The following RAB11FIP4 variants were observed in gnomAD, a reference collection of about 807,000 sequenced individuals.
The protein encoded by RAB11FIP4 is RAB11 family interacting protein 4, also known as rab11 family-interacting protein 4.
RAB11FIP4 carries 23 observed loss-of-function variants against 74.3 expected under a neutral mutation model. The ratio of observed to expected loss-of-function variants is 0.31; its 90% CI spans 0.22 to 0.44. The LOEUF (loss-of-function observed/expected upper bound fraction) is 0.44, where lower values mean the gene tolerates loss of function less well. Among genes scored for constraint, RAB11FIP4 ranks in the 20% least tolerant of loss-of-function variants. RAB11FIP4 has a pLI of 1.00. For missense variants in RAB11FIP4, 630 were observed against 863.9 expected, an observed-to-expected ratio of 0.73 and a Z score of 3.39; for synonymous variants, 360 against 359.9, an observed-to-expected ratio of 1.00 and a Z score of 0.00.
Position 31,499,993 on chromosome 17 carries a change from C to T in RAB11FIP4, c.337-17658C>T, listed in dbSNP as rs140896178. Among the ~76,000 whole-genome samples, 405 of 152,248 alleles carry T rather than the reference C, an allele frequency of 2.7e-3. 1 individual carries two copies. Among genetic ancestry groups the T allele is most frequent in the African/African-American group, 8.9e-3 (369 of 41,524 alleles). On this transcript the variant is annotated intron_variant, in intron 3 of 14. Transcript: ENST00000621161. ...TTCTTAATCCCCAACAGTTTGCCTC[C>T]GAAGTCCACATTCTCATTTGAAAAT...
chr17:31,494,258 ATT>A (rs1487741468), intron 3 of RAB11FIP4, among the ~76,000 whole-genome samples: 2 of 147,978 alleles, frequency 1.4e-5, no homozygotes, highest in East Asian at 4.0e-4. Flanking sequence ...AAGTTATTTA[ATT>A]TCTCTGTGCC....
chr17:31,498,816 G>A (rs2072164567), intron 3 of RAB11FIP4, among the ~76,000 whole-genome samples: 1 of 152,200 alleles, frequency 6.6e-6, no homozygotes, highest in Non-Finnish European at 1.5e-5. Flanking sequence ...AGAAAGAGCT[G>A]GCCTGAGCCA....
chr17:31,451,852 A>C (rs2071530444), intron 3 of RAB11FIP4, among the ~76,000 whole-genome samples: 1 of 144,848 alleles, frequency 6.9e-6, no homozygotes. Context: ...CTGCCAGAGC[A>C]CCCTGCTTAT....
chr17:31,419,062 C>A (rs867166179), intron 1 of RAB11FIP4, among the ~76,000 whole-genome samples: 1 of 152,154 alleles, frequency 6.6e-6, no homozygotes, highest in East Asian at 1.9e-4. Context: ...GTTTCTTTCC[C>A]GTAGCATAAT....
chr17:31,479,930 T>C (rs77751083), intron 3 of RAB11FIP4, among the ~76,000 whole-genome samples: 94 of 152,336 alleles, frequency 6.2e-4, no homozygotes, highest in African/African-American at 2.2e-3. Flanking sequence ...TTCATGTTTA[T>C]ATAGGCCTAG....
chr17:31,521,967 G>T lies in RAB11FIP4; in HGVS notation c.811G>T (p.Asp271Tyr). The change falls in exon 6 of 15, where the codon GAT (aspartate) becomes TAT (tyrosine). Residue 271 changes from aspartate (D) to tyrosine (Y), a missense_variant. Transcript: ENST00000621161. ...MRHVYNSELL[D>Y]VYCSQCCKKI... Reference sequence around the variant, plus strand: ...GCACGTGTACAACAGCGAATTGCTAGATGTTTACTGCTCTCAATGCTGCAA... The same window carrying T: ...GCACGTGTACAACAGCGAATTGCTATATGTTTACTGCTCTCAATGCTGCAA... 6.2e-7 allele frequency: 1 copy of T among 1,614,220 alleles called. No individual in the cohort carries two copies. The highest frequency in any genetic ancestry group is 8.5e-7 in the Non-Finnish European group (1 of 1,180,044).
intron 3 of RAB11FIP4, among the ~76,000 whole-genome samples, chr17:31,453,997 C>T (rs1281377315): frequency 6.6e-6 from 1 of 151,842 alleles, no homozygotes; most frequent in Non-Finnish European, 1.5e-5. Flanking sequence ...CAACCGCATC[C>T]CCCCCAGCCC....
At chr17:31,529,320 G>A (rs2072826987) in intron 13 of RAB11FIP4, among the ~76,000 whole-genome samples, 1 of 152,108 alleles carries the variant, frequency 6.6e-6, no homozygotes, top group Admixed American at 6.5e-5. Context: ...GTGGAGGGCA[G>A]TGGTGTGATC....
intron 13 of RAB11FIP4, among the ~76,000 whole-genome samples, chr17:31,529,612 G>A (rs1308307384): frequency 6.6e-6 from 1 of 152,180 alleles, no homozygotes; most frequent in Non-Finnish European, 1.5e-5. Context: ...AGAGACCTTT[G>A]GGTGGGGGAG....
intron 1 of RAB11FIP4, among the ~76,000 whole-genome samples, chr17:31,404,107 C>T (rs1051024175): frequency 3.3e-5 from 5 of 152,202 alleles, no homozygotes; most frequent in East Asian, 1.9e-4. Flanking sequence ...CTGACTGCTC[C>T]GATTTCCTGC....
At chr17:31,394,475 C>T (rs1030393098) in intron 1 of RAB11FIP4, among the ~76,000 whole-genome samples, 1 of 152,206 alleles carries the variant, frequency 6.6e-6, no homozygotes, top group Non-Finnish European at 1.5e-5. Context: ...ACCTTTTAGT[C>T]TCTCTTACTG....
At chr17:31,502,316 C>T (rs1049654498) in intron 3 of RAB11FIP4, among the ~76,000 whole-genome samples, 4 of 152,074 alleles carry the variant, frequency 2.6e-5, no homozygotes, top group Admixed American at 1.3e-4. Context: ...AGGTGGCTCA[C>T]ACCTGTAATC....
chr17:31,445,347 ATAC>A (rs10580094), intron 3 of RAB11FIP4, among the ~76,000 whole-genome samples: 24,524 of 151,428 alleles, frequency 0.16, 2,532 homozygotes, highest in South Asian at 0.31. Flanking sequence ...ATGTGCATAC[ATAC>A]TACTTTTTTT....
chr17:31,395,895 C>CA (rs1267950911), intron 1 of RAB11FIP4, among the ~76,000 whole-genome samples: 1 of 152,076 alleles, frequency 6.6e-6, no homozygotes. Context: ...AAAGAGGAGA[C>CA]AATGGGCCGG....
intron 10 of RAB11FIP4, chr17:31,525,592 A>C: frequency 4.2e-6 from 1 of 237,778 alleles, no homozygotes; most frequent in Non-Finnish European, 8.2e-6. Context: ...GCCAAGGTAA[A>C]TGGAAAACCC....
At chr17:31,522,226 C>G in intron 6 of RAB11FIP4, 134 bp from the exon 7 acceptor site, 1 of 1,276,298 alleles carries the variant, frequency 7.8e-7, no homozygotes, top group Non-Finnish European at 1.1e-6. Flanking sequence ...CTTCTCAGGA[C>G]CAAGCTGACT....
At chr17:31,462,071 G>A (rs1206905829) in intron 3 of RAB11FIP4, among the ~76,000 whole-genome samples, 1 of 152,056 alleles carries the variant, frequency 6.6e-6, no homozygotes, top group African/African-American at 2.4e-5. Flanking sequence ...AGACCAGCCT[G>A]ACCAATATGA....
At chr17:31,396,192 A>G (rs908768735) in intron 1 of RAB11FIP4, among the ~76,000 whole-genome samples, 2 of 125,548 alleles carry the variant, frequency 1.6e-5, no homozygotes, top group African/African-American at 2.5e-5. Context: ...ACAAAAAAAA[A>G]AAAAAGAAAA....
At chr17:31,517,136 T>C (rs1397078996) in intron 3 of RAB11FIP4, among the ~76,000 whole-genome samples, 2 of 141,540 alleles carry the variant, frequency 1.4e-5, no homozygotes, top group African/African-American at 5.2e-5. Flanking sequence ...CAATCAGAGA[T>C]ACTCTCAGTT....
Sources: gnomAD v4.1 joint callset for allele counts (sites outside exome capture counted in the v4.1 genomes callset) on GRCh38, gnomAD v4.1.1 for gene constraint, MANE v1.5 for transcripts, NCBI Gene and HGNC (gene_info 2026-07-23, HGNC 2026-07-21) for gene names.